TBC1D32: variants seen among roughly 807,000 people sequenced by gnomAD.
The protein encoded by TBC1D32 is TBC1 domain family member 32, also known as protein broad-minded.
Under a neutral mutation model 170.3 loss-of-function variants are expected in TBC1D32, and 151 were observed. The ratio of observed to expected loss-of-function variants is 0.89; its 90% confidence interval spans 0.78 to 1.01. The LOEUF (loss-of-function observed/expected upper bound fraction) is 1.01. TBC1D32 is among the 50% of genes least tolerant of loss of function. TBC1D32 has a pLI of 0.00. For missense variants in TBC1D32, 1,464 were observed against 1,457.1 expected, an observed-to-expected ratio of 1.00 and a Z score of -0.08; for synonymous variants, 498 against 488.0, an observed-to-expected ratio of 1.02 and a Z score of -0.27.
intron 24 of TBC1D32, among the ~76,000 whole-genome samples, chr6:121,145,181 T>C (rs1291396540): frequency 1.3e-5 from 2 of 152,238 alleles, no homozygotes; most frequent in East Asian, 1.9e-4. Flanking sequence ...CAAGAGAAGA[T>C]ATTTTAAATA....
At chr6:121,184,658 T>A (rs1788941522) in intron 22 of TBC1D32, among the ~76,000 whole-genome samples, 1 of 151,968 alleles carries the variant, frequency 6.6e-6, no homozygotes, top group Admixed American at 6.6e-5. Flanking sequence ...GCAGGTTCAA[T>A]GCTGGTCATG....
At chr6:121,282,131 AAGG>A (rs1803107368) in intron 13 of TBC1D32, among the ~76,000 whole-genome samples, 1 of 151,716 alleles carries the variant, frequency 6.6e-6, no homozygotes, top group Admixed American at 6.6e-5. Context: ...AAATGGGAAA[AAGG>A]AGGCAGAAGA....
intron 13 of TBC1D32, 53 bp downstream of exon 13, chr6:121,283,765 T>TA: frequency 7.3e-7 from 1 of 1,364,950 alleles, no homozygotes; most frequent in Non-Finnish European, 1.0e-6. Context: ...ATAGAATACT[T>TA]AAATATTTTT....
intron 15 of TBC1D32, among the ~76,000 whole-genome samples, chr6:121,262,900 C>G (rs1799957101): frequency 6.6e-6 from 1 of 152,076 alleles, no homozygotes; most frequent in African/African-American, 2.4e-5. Context: ...CACCACCAGG[C>G]CTGCCTTGCA....
chr6:121,220,847 GC>G (rs1285625492), intron 21 of TBC1D32, among the ~76,000 whole-genome samples: 3 of 151,832 alleles, frequency 2.0e-5, no homozygotes, highest in Non-Finnish European at 4.4e-5. Flanking sequence ...CACCATGTTG[GC>G]CAGGCTGCTC....
At chr6:121,176,212 C>T (rs1480334119) in intron 22 of TBC1D32, among the ~76,000 whole-genome samples, 4 of 151,932 alleles carry the variant, frequency 2.6e-5, no homozygotes, top group Non-Finnish European at 4.4e-5. Context: ...ATAACGTGGT[C>T]AGGAAAGAGC....
intron 30 of TBC1D32, among the ~76,000 whole-genome samples, chr6:121,094,625 C>T (rs1360041248): frequency 6.6e-6 from 1 of 152,100 alleles, no homozygotes; most frequent in African/African-American, 2.4e-5. Flanking sequence ...TAGAATAGTA[C>T]ATGAACTAGA....
intron 24 of TBC1D32, among the ~76,000 whole-genome samples, chr6:121,149,195 C>T (rs955250019): frequency 6.6e-6 from 1 of 152,012 alleles, no homozygotes; most frequent in African/African-American, 2.4e-5. Flanking sequence ...TTTTTTCTCC[C>T]ATTCTGTAGG....
rs999795022 is a variant in TBC1D32 at position 121,239,320 on chromosome 6, A to G, written c.2246-132T>C. The stretch of plus-strand genomic sequence containing the variant: ...ACACATACTTGCATCTTATATAAAA[A>G]ATAATCTCTTCTTGGTAGAAATTAT... On this transcript the variant is annotated intron_variant, in intron 19 of 31. Transcript: ENST00000398212. 50 of 463,680 alleles carry G rather than the reference A, an allele frequency of 1.1e-4. 1 individual carries two copies. The South Asian group carries it at 2.6e-3, about 24-fold the overall frequency. The allele number at this position is 463,680 out of a possible 1,614,324, so 28.7% of individuals were successfully genotyped here.
chr6:121,281,519 T>C, intron 14 of TBC1D32, 25 bp downstream of exon 14: 1 of 1,588,974 alleles, frequency 6.3e-7, no homozygotes, highest in South Asian at 1.2e-5. Flanking sequence ...AGAGACTCTT[T>C]TTCTCCTTAG....
At chr6:121,215,985 C>T (rs1482439796) in intron 21 of TBC1D32, among the ~76,000 whole-genome samples, 1 of 152,218 alleles carries the variant, frequency 6.6e-6, no homozygotes, top group African/African-American at 2.4e-5. Context: ...CCATTCAACC[C>T]AGCAATCCCA....
In TBC1D32 at chr6:121,242,287, G is replaced by A. The variant is rs1452423723; in HGVS notation, c.2071C>T (p.Pro691Ser). Reference sequence around the variant, plus strand: ...CTTTGAAGAAGTAGTAATCCTTTGGGGGTGGCAGCAAAATGTAGTAAATCA... The same window carrying A: ...CTTTGAAGAAGTAGTAATCCTTTGGAGGTGGCAGCAAAATGTAGTAAATCA... Reference protein sequence around the residue: ...LDDLLHFAATPKGLLLLQRTG... With the variant: ...LDDLLHFAATSKGLLLLQRTG... The change falls in exon 18 of 32, where the codon CCC becomes TCC. Residue 691 changes from proline to serine, a missense_variant. Coordinates refer to ENST00000398212, the MANE Select transcript of TBC1D32 (RefSeq NM_152730.6). 6.2e-7 allele frequency: 1 copy of A among 1,612,518 alleles called. No homozygotes were observed. The highest frequency in any genetic ancestry group is 8.5e-7 in the Non-Finnish European group (1 of 1,179,216).
Position 121,223,384 on chromosome 6 carries a change from T to C in TBC1D32, c.2365-32A>G, listed in dbSNP as rs781606699. The C allele has an allele frequency of 2.8e-6, 4 of 1,434,022 alleles. No homozygotes were observed. In the South Asian group the frequency reaches 4.9e-5, roughly 17 times the overall value. 88.8% of individuals were successfully genotyped at this position (1,434,022 alleles called of 1,614,324 possible). On this transcript the variant is annotated intron_variant, in intron 20 of 31. Coordinates refer to ENST00000398212, the MANE Select transcript of TBC1D32 (RefSeq NM_152730.6). ...GGAAAGAAAACAGTCATTTAAATGA[T>C]TCACTTTTGTCAACCACATCCATGG...
chr6:121,298,811 A>T, intron 10 of TBC1D32, among the ~76,000 whole-genome samples: 1 of 152,128 alleles, frequency 6.6e-6, no homozygotes, highest in East Asian at 1.9e-4. Flanking sequence ...GGTTCTGCCT[A>T]ACTACATAAA....
At chr6:121,315,075 C>T (rs1007171738) in intron 3 of TBC1D32, among the ~76,000 whole-genome samples, 2 of 152,184 alleles carry the variant, frequency 1.3e-5, no homozygotes, top group East Asian at 1.9e-4. Context: ...CGCTGGTAAG[C>T]GGTGGAACCA....
chr6:121,110,521 A>T (rs1428702300), intron 29 of TBC1D32, among the ~76,000 whole-genome samples: 2 of 151,978 alleles, frequency 1.3e-5, no homozygotes, highest in African/African-American at 2.4e-5. Context: ...TTTGAGGTTG[A>T]TTACAATAAT....
intron 20 of TBC1D32, among the ~76,000 whole-genome samples, chr6:121,231,031 A>G (rs1795671774): frequency 6.6e-6 from 1 of 152,138 alleles, no homozygotes; most frequent in Non-Finnish European, 1.5e-5. Context: ...GAGTGAGAAC[A>G]TACAATGTTT....
intron 17 of TBC1D32, among the ~76,000 whole-genome samples, chr6:121,243,688 A>G (rs2128367117): frequency 6.6e-6 from 1 of 152,146 alleles, no homozygotes; most frequent in South Asian, 2.1e-4. Context: ...TGGGTCACAA[A>G]GTAAGTTCAA....
chr6:121,091,922 G>C (rs538279612), intron 30 of TBC1D32, among the ~76,000 whole-genome samples: 24 of 152,200 alleles, frequency 1.6e-4, no homozygotes, highest in Middle Eastern at 3.4e-3. Flanking sequence ...CACAAAGACA[G>C]GCAGACAAAA....
Sources: allele counts gnomAD v4.1 joint callset (sites outside exome capture counted in the v4.1 genomes callset), GRCh38; gene constraint gnomAD v4.1.1; transcripts MANE v1.5; gene names NCBI Gene and HGNC (gene_info 2026-07-23, HGNC 2026-07-21).